Variants in PRKCE observed in about 807,000 individuals in gnomAD.
PRKCE encodes the protein protein kinase C epsilon.
Under a neutral mutation model 85.4 loss-of-function variants are expected in PRKCE, and 16 were observed. The ratio of observed to expected loss-of-function variants is 0.19; its 90% CI spans 0.13 to 0.28. The LOEUF (loss-of-function observed/expected upper bound fraction) is 0.28, where lower values mean the gene tolerates loss of function less well. Among genes scored for constraint, PRKCE ranks in the 10% least tolerant of loss-of-function variants. The pLI, the probability that PRKCE is intolerant of heterozygous loss-of-function variation, is 1.00. For missense variants in PRKCE, 573 were observed against 975.2 expected (o/e 0.59, Z 5.49); for synonymous variants, 388 against 371.5 (o/e 1.04, Z -0.51).
At chr2:46,016,394 C>A (rs887002601) in intron 10 of PRKCE, among the ~76,000 whole-genome samples, 1 of 152,044 alleles carries the variant, frequency 6.6e-6, no homozygotes, top group Admixed American at 6.6e-5. Context: ...CTGGTTTCCA[C>A]GATCAAGCAA....
chr2:45,800,203 T>G (rs1219146167), intron 1 of PRKCE, among the ~76,000 whole-genome samples: 1 of 152,248 alleles, frequency 6.6e-6, no homozygotes, highest in Non-Finnish European at 1.5e-5. Flanking sequence ...TATGCTAAAC[T>G]CTGCACAGTC....
chr2:46,046,755 C>A (rs900265653), intron 10 of PRKCE, among the ~76,000 whole-genome samples: 5 of 152,164 alleles, frequency 3.3e-5, no homozygotes, highest in African/African-American at 1.2e-4. Context: ...ATGGGCAAGA[C>A]CCCTTCAGGA....
At chr2:45,882,103 A>G (rs1694932305) in intron 2 of PRKCE, among the ~76,000 whole-genome samples, 1 of 152,234 alleles carries the variant, frequency 6.6e-6, no homozygotes, top group Admixed American at 6.5e-5. Flanking sequence ...TTAAGGTGTT[A>G]TAATTGTTTT....
At chr2:46,026,672 G>A (rs1311364051) in intron 10 of PRKCE, among the ~76,000 whole-genome samples, 1 of 152,172 alleles carries the variant, frequency 6.6e-6, no homozygotes, top group African/African-American at 2.4e-5. Context: ...ATGTTTAAGG[G>A]ATGTTTTTGA....
At chr2:45,926,320 A>G (rs901302105) in intron 2 of PRKCE, among the ~76,000 whole-genome samples, 1 of 152,246 alleles carries the variant, frequency 6.6e-6, no homozygotes, top group African/African-American at 2.4e-5. Context: ...GGCAACTGCC[A>G]TACATAACCA....
chr2:45,931,976 C>A (rs376315979), intron 2 of PRKCE, among the ~76,000 whole-genome samples: 76 of 152,278 alleles, frequency 5.0e-4, no homozygotes, highest in African/African-American at 1.8e-3. Flanking sequence ...CTCAGCCTCC[C>A]CAAGTGCTGG....
At chr2:46,137,677 C>T (rs939476566) in intron 11 of PRKCE, among the ~76,000 whole-genome samples, 3 of 150,838 alleles carry the variant, frequency 2.0e-5, no homozygotes, top group Non-Finnish European at 3.0e-5. Context: ...GCAGGAGAAT[C>T]GCTTGATCCT....
intron 1 of PRKCE, among the ~76,000 whole-genome samples, chr2:45,765,680 T>C (rs948930192): frequency 6.6e-6 from 1 of 152,232 alleles, no homozygotes; most frequent in African/African-American, 2.4e-5. Flanking sequence ...AAAGTTCTGA[T>C]GGTGCTGGAA....
chr2:45,754,218 G>A (rs963015068), intron 1 of PRKCE, among the ~76,000 whole-genome samples: 1 of 152,176 alleles, frequency 6.6e-6, no homozygotes, highest in Non-Finnish European at 1.5e-5. Flanking sequence ...TCTGAGGCCT[G>A]GAGACAGCTC....
intron 1 of PRKCE, among the ~76,000 whole-genome samples, chr2:45,809,710 C>T (rs1688514724): frequency 6.7e-6 from 1 of 149,492 alleles, no homozygotes; most frequent in Admixed American, 6.6e-5. Context: ...ATGGTGAAAC[C>T]CTGTCTCAAA....
intron 12 of PRKCE, among the ~76,000 whole-genome samples, chr2:46,147,829 C>G (rs953405906): frequency 2.6e-5 from 4 of 152,128 alleles, no homozygotes; most frequent in Admixed American, 2.0e-4. Flanking sequence ...AGTCTTGAGT[C>G]CAGATTTGAC....
intron 2 of PRKCE, among the ~76,000 whole-genome samples, chr2:45,942,442 G>A (rs2104231571): frequency 6.6e-6 from 1 of 152,302 alleles, no homozygotes; most frequent in South Asian, 2.1e-4. Flanking sequence ...AAAAGAGCAA[G>A]TCTCTTGTAA....
chr2:46,048,460 A>G (rs1708658276), intron 10 of PRKCE, among the ~76,000 whole-genome samples: 1 of 152,190 alleles, frequency 6.6e-6, no homozygotes. Flanking sequence ...TATGGGGTTC[A>G]CTGGGCTCAA....
At chr2:45,812,371 A>T (rs1573453768) in intron 1 of PRKCE, among the ~76,000 whole-genome samples, 1 of 152,284 alleles carries the variant, frequency 6.6e-6, no homozygotes, top group Middle Eastern at 3.4e-3. Context: ...CTAAGGAGGG[A>T]ACTGTTGAAC....
intron 2 of PRKCE, among the ~76,000 whole-genome samples, chr2:45,843,359 G>C (rs907089644): frequency 6.6e-6 from 1 of 152,218 alleles, no homozygotes; most frequent in Non-Finnish European, 1.5e-5. Context: ...CCTCTCCCAG[G>C]AGGCTTGCGT....
At chr2:45,887,338 A>G (rs574801587) in intron 2 of PRKCE, among the ~76,000 whole-genome samples, 7 of 152,338 alleles carry the variant, frequency 4.6e-5, no homozygotes, top group Middle Eastern at 3.4e-3. Context: ...GAGAAGCTAG[A>G]TCATCCTTGC....
intron 1 of PRKCE, among the ~76,000 whole-genome samples, chr2:45,831,246 C>T (rs1449581143): frequency 1.3e-5 from 2 of 152,138 alleles, no homozygotes; most frequent in Admixed American, 1.3e-4. Flanking sequence ...GTATGTAACA[C>T]CATTTACAAA....
At chr2:45,865,945 G>A (rs761152465) in intron 2 of PRKCE, among the ~76,000 whole-genome samples, 1 of 151,064 alleles carries the variant, frequency 6.6e-6, no homozygotes, top group African/African-American at 2.4e-5. Flanking sequence ...AGCCTCCCAA[G>A]TAGCTGAGAC....
intron 10 of PRKCE, among the ~76,000 whole-genome samples, chr2:46,019,227 GTACT>G: frequency 1.3e-5 from 2 of 152,310 alleles, no homozygotes; most frequent in Non-Finnish European, 2.9e-5. Flanking sequence ...TGTGGAGTTT[GTACT>G]TTCTCCCCAT....
Sources: allele counts gnomAD v4.1 joint callset (sites outside exome capture counted in the v4.1 genomes callset), GRCh38; gene constraint gnomAD v4.1.1; transcripts MANE v1.5; gene names NCBI Gene and HGNC (gene_info 2026-07-23, HGNC 2026-07-21).